Variants in VCF1 observed in about 807,000 individuals in gnomAD.
VCF1 encodes protein VCF1.
At chr17:73,208,256 G>T in the VCF1 span, 1 of 1,610,516 alleles carries the variant, frequency 6.2e-7, no homozygotes. Context: ...CGCGGAGGGC[G>T]AGTGGGCAGG....
At chr17:73,225,428 T>A in the VCF1 span, among the ~76,000 whole-genome samples, 6 of 152,026 alleles carry the variant, frequency 3.9e-5, no homozygotes, top group East Asian at 3.9e-4. Flanking sequence ...TTAATTTTTT[T>A]AAAAAAGGAT....
the VCF1 span, among the ~76,000 whole-genome samples, chr17:73,225,352 C>CTAAA: frequency 4.6e-5 from 7 of 151,906 alleles, no homozygotes; most frequent in Admixed American, 1.3e-4. Flanking sequence ...GTACCAAAAA[C>CTAAA]TAAATAAATA....
At chr17:73,208,616 T>C in the VCF1 span, 1 of 873,298 alleles carries the variant, frequency 1.1e-6, no homozygotes, top group Non-Finnish European at 1.9e-6. Flanking sequence ...AAGTTAATCC[T>C]TGTCCCAAAA....
chr17:73,209,618 G>A, the VCF1 span: 1 of 1,570,856 alleles, frequency 6.4e-7, no homozygotes. Context: ...CCTTGGCACA[G>A]CGCGGACTGC....
At chr17:73,212,609 A>G in the VCF1 span, 2 of 1,302,742 alleles carry the variant, frequency 1.5e-6, no homozygotes, top group African/African-American at 3.0e-5. Context: ...ACAATGTAGA[A>G]TGGCCACTTG....
chr17:73,227,672 TAA>T, the VCF1 span: 1 of 985,972 alleles, frequency 1.0e-6, no homozygotes, highest in African/African-American at 1.7e-5. Context: ...ACATTTGATA[TAA>T]GAGTGGCTGC....
the VCF1 span, chr17:73,231,953 C>T: frequency 2.5e-5 from 25 of 990,914 alleles, no homozygotes; most frequent in Non-Finnish European, 3.5e-5. Flanking sequence ...CCCCTCCTCC[C>T]CCGGCCCGCA....
chr17:73,219,197 A>G, the VCF1 span, among the ~76,000 whole-genome samples: 6 of 151,452 alleles, frequency 4.0e-5, no homozygotes, highest in South Asian at 6.2e-4. Context: ...GTCTCAAAAA[A>G]AAAAAAAAAA....
the VCF1 span, among the ~76,000 whole-genome samples, chr17:73,228,807 T>G: frequency 1.3e-5 from 2 of 152,198 alleles, no homozygotes; most frequent in Non-Finnish European, 2.9e-5. Flanking sequence ...GTGGGAGTGT[T>G]CTGCAGAGGC....
chr17:73,208,074 G>C, the VCF1 span: 1 of 1,412,022 alleles, frequency 7.1e-7, no homozygotes, highest in South Asian at 1.5e-5. Context: ...AGAAGTGCCT[G>C]TGTCTACCCT....
chr17:73,229,314 C>T, the VCF1 span: 1 of 985,440 alleles, frequency 1.0e-6, no homozygotes, highest in South Asian at 4.7e-5. Context: ...ATGGTGTTAA[C>T]AACTGGCAAG....
chr17:73,209,530 C>T, the VCF1 span: 1 of 1,580,548 alleles, frequency 6.3e-7, no homozygotes, highest in South Asian at 1.2e-5. Flanking sequence ...GCCGGCACAT[C>T]ATGTCAGAGG....
chr17:73,208,392 G>A, the VCF1 span: 1 of 1,614,124 alleles, frequency 6.2e-7, no homozygotes, highest in Non-Finnish European at 8.5e-7. Context: ...CAGTGAAGAA[G>A]ACAACACGTC....
At chr17:73,231,740 G>A in the VCF1 span, among the ~76,000 whole-genome samples, 3 of 152,072 alleles carry the variant, frequency 2.0e-5, no homozygotes, top group South Asian at 2.1e-4. Context: ...AAGATGAGAC[G>A]TTTATCCCAT....
At chr17:73,225,904 T>TAAA in the VCF1 span, among the ~76,000 whole-genome samples, 1 of 119,430 alleles carries the variant, frequency 8.4e-6, no homozygotes, top group Non-Finnish European at 1.7e-5. Flanking sequence ...TATATATTTT[T>TAAA]TTTTTTTTTT....
the VCF1 span, among the ~76,000 whole-genome samples, chr17:73,222,588 G>C: frequency 6.6e-6 from 1 of 151,540 alleles, no homozygotes; most frequent in East Asian, 2.0e-4. Context: ...GACCAGCCTG[G>C]CCAACATCGT....
the VCF1 span, chr17:73,231,956 G>T: frequency 2.0e-6 from 2 of 993,710 alleles, no homozygotes; most frequent in Non-Finnish European, 2.9e-6. Context: ...CTCCTCCCCC[G>T]GCCCGCAGTG....
chr17:73,214,683 A>G, the VCF1 span, among the ~76,000 whole-genome samples: 1 of 152,238 alleles, frequency 6.6e-6, no homozygotes, highest in Non-Finnish European at 1.5e-5. Flanking sequence ...AAGCTTTTTA[A>G]TATCAGATTG....
the VCF1 span, chr17:73,232,005 G>A: frequency 6.6e-5 from 95 of 1,435,504 alleles, 5 homozygotes; most frequent in South Asian, 1.3e-3. Context: ...CTCTTGCTCC[G>A]ACCCCCATTT....
Sources: gnomAD v4.1 joint callset for allele counts (sites outside exome capture counted in the v4.1 genomes callset) on GRCh38, gnomAD v4.1.1 for gene constraint, MANE v1.5 for transcripts, NCBI Gene and HGNC (gene_info 2026-07-23, HGNC 2026-07-21) for gene names.